Variants in DPYD observed in about 807,000 individuals in gnomAD.
DPYD encodes dihydropyrimidine dehydrogenase, also known as dihydropyrimidine dehydrogenase [NADP(+)].
Under a neutral mutation model 116.2 loss-of-function variants are expected in DPYD, and 109 were observed. The observed-to-expected ratio is 0.94, with a 90% confidence interval of 0.80 to 1.10. The LOEUF is 1.10. Among genes scored for constraint, DPYD ranks in the 50% least tolerant of loss-of-function variants. The pLI is 0.00. For synonymous variants in DPYD, 440 were observed against 432.0 expected (o/e 1.02, Z -0.23); for missense variants, 1,302 against 1,254.5 (o/e 1.04, Z -0.57).
intron 8 of DPYD, among the ~76,000 whole-genome samples, chr1:97,629,268 G>T (rs1039767352): frequency 6.6e-6 from 1 of 152,032 alleles, no homozygotes; most frequent in Admixed American, 6.6e-5. Flanking sequence ...CCTGAGTCAA[G>T]AAATCAAGTG....
At chr1:97,441,743 T>C (rs1675808969) in intron 14 of DPYD, among the ~76,000 whole-genome samples, 2 of 152,210 alleles carry the variant, frequency 1.3e-5, no homozygotes, top group Admixed American at 1.3e-4. Context: ...TATTGAATGC[T>C]GGATATTGTG....
At chr1:97,438,196 T>C (rs1403135773) in intron 14 of DPYD, among the ~76,000 whole-genome samples, 1 of 152,036 alleles carries the variant, frequency 6.6e-6, no homozygotes, top group African/African-American at 2.4e-5. Flanking sequence ...TCAATTGTTT[T>C]GTAAGTCCTT....
At position 97,515,913 on chromosome 1, in the gene DPYD, T is replaced by C; in HGVS notation, c.1553A>G (p.Lys518Arg). 1 of 1,612,778 alleles carries C rather than the reference T, an allele frequency of 6.2e-7. No individual in the cohort carries two copies. The highest frequency in any genetic ancestry group is 8.5e-7 in the Non-Finnish European group (1 of 1,179,148). The change falls in exon 13 of 23, where the codon AAG (lysine) becomes AGG (arginine). Residue 518 changes from lysine to arginine, a missense_variant. By Grantham distance (26) the Lys-to-Arg change is conservative. Transcript: ENST00000370192. ...AGTGTAAAAGAGGGGTAGTTCAGGCTTGGCAGAAACGGAAGCTCCATATTG... is the reference window on the plus strand; with the variant it reads ...AGTGTAAAAGAGGGGTAGTTCAGGCCTGGCAGAAACGGAAGCTCCATATTG... ...QSQYGASVSA[K>R]PELPLFYTPI...
At chr1:97,603,525 T>A (rs559462816) in intron 8 of DPYD, among the ~76,000 whole-genome samples, 4 of 152,010 alleles carry the variant, frequency 2.6e-5, no homozygotes, top group African/African-American at 9.7e-5. Context: ...AACTGCACAG[T>A]AGGAAACAGC....
At chr1:97,659,526 C>T (rs1238251879) in intron 8 of DPYD, among the ~76,000 whole-genome samples, 1 of 152,064 alleles carries the variant, frequency 6.6e-6, no homozygotes, top group Non-Finnish European at 1.5e-5. Context: ...ATTTTCCATG[C>T]CATGTATATT....
At chr1:97,179,937 T>C (rs1458806167) in intron 20 of DPYD, among the ~76,000 whole-genome samples, 3 of 152,108 alleles carry the variant, frequency 2.0e-5, no homozygotes, top group Non-Finnish European at 2.9e-5. Flanking sequence ...GGAAAGGAGA[T>C]GGATATTTCA....
chr1:97,891,630 T>C (rs1156897075), intron 1 of DPYD, among the ~76,000 whole-genome samples: 1 of 151,784 alleles, frequency 6.6e-6, no homozygotes, highest in Admixed American at 6.6e-5. Flanking sequence ...TGTATTACCA[T>C]TGAGGGCAAA....
At chr1:97,409,300 A>T (rs1283453331) in intron 14 of DPYD, among the ~76,000 whole-genome samples, 2 of 152,142 alleles carry the variant, frequency 1.3e-5, no homozygotes, top group Non-Finnish European at 2.9e-5. Context: ...TATGATTGAA[A>T]GTTTAATGCA....
intron 11 of DPYD, among the ~76,000 whole-genome samples, chr1:97,572,163 C>G (rs919109126): frequency 1.3e-5 from 2 of 151,834 alleles, no homozygotes; most frequent in African/African-American, 2.4e-5. Context: ...ATGTGAAGTA[C>G]TAGAAGAAAT....
intron 13 of DPYD, among the ~76,000 whole-genome samples, chr1:97,475,445 A>G (rs769163739): frequency 2.6e-5 from 4 of 152,220 alleles, no homozygotes; most frequent in Non-Finnish European, 4.4e-5. Flanking sequence ...AAGTAAAGGA[A>G]CAAATTAATG....
chr1:97,747,571 C>G (rs1428421936), intron 3 of DPYD, among the ~76,000 whole-genome samples: 1 of 152,054 alleles, frequency 6.6e-6, no homozygotes, highest in Non-Finnish European at 1.5e-5. Flanking sequence ...AGCCATGTAC[C>G]TAGGACAGGA....
At chr1:97,443,176 A>G (rs1483148008) in intron 14 of DPYD, among the ~76,000 whole-genome samples, 1 of 152,170 alleles carries the variant, frequency 6.6e-6, no homozygotes, top group African/African-American at 2.4e-5. Flanking sequence ...ATAAGTGGGC[A>G]TGGATGTTTT....
chr1:97,741,422 C>A (rs1229459989), intron 3 of DPYD, among the ~76,000 whole-genome samples: 1 of 152,124 alleles, frequency 6.6e-6, no homozygotes, highest in Non-Finnish European at 1.5e-5. Context: ...ACAGACTTCA[C>A]AGAGGAGCCC....
At chr1:97,248,886 AG>A (rs1662897899) in intron 18 of DPYD, among the ~76,000 whole-genome samples, 1 of 152,320 alleles carries the variant, frequency 6.6e-6, no homozygotes, top group East Asian at 1.9e-4. Flanking sequence ...GAGTACATTT[AG>A]AAAAGATATG....
chr1:97,102,602 A>G (rs1316888449), intron 20 of DPYD, among the ~76,000 whole-genome samples: 2 of 151,280 alleles, frequency 1.3e-5, no homozygotes, highest in Non-Finnish European at 3.0e-5. Flanking sequence ...TTTTTTCCCA[A>G]AAGACATGTT....
intron 3 of DPYD, among the ~76,000 whole-genome samples, chr1:97,808,112 T>C (rs1392165364): frequency 6.6e-6 from 1 of 152,112 alleles, no homozygotes; most frequent in Non-Finnish European, 1.5e-5. Context: ...TGCTTTTCTA[T>C]ATAAGGTTTG....
At chr1:97,365,904 C>T (rs1671009530) in intron 16 of DPYD, among the ~76,000 whole-genome samples, 1 of 152,078 alleles carries the variant, frequency 6.6e-6, no homozygotes, top group African/African-American at 2.4e-5. Context: ...AAAGTGCTGG[C>T]ATACAGTCAT....
chr1:97,640,826 T>C (rs1657847655), intron 8 of DPYD, among the ~76,000 whole-genome samples: 2 of 152,056 alleles, frequency 1.3e-5, no homozygotes, highest in South Asian at 4.1e-4. Flanking sequence ...GTCACTTCAA[T>C]AGAAAAGTCA....
intron 13 of DPYD, among the ~76,000 whole-genome samples, chr1:97,501,565 G>T (rs928011387): frequency 4.6e-5 from 7 of 151,904 alleles, no homozygotes; most frequent in African/African-American, 1.7e-4. Flanking sequence ...AAACACATTA[G>T]CCAGGTGTGG....
Sources: allele counts gnomAD v4.1 joint callset (sites outside exome capture counted in the v4.1 genomes callset), GRCh38; gene constraint gnomAD v4.1.1; transcripts MANE v1.5; gene names NCBI Gene and HGNC (gene_info 2026-07-23, HGNC 2026-07-21).